Variants in STAU2 observed in about 807,000 individuals in gnomAD.
STAU2 encodes staufen double-stranded RNA binding protein 2, also known as double-stranded RNA-binding protein Staufen homolog 2.
Under a neutral mutation model 65.9 loss-of-function variants are expected in STAU2, and 20 were observed. That is an observed-to-expected ratio of 0.30 (90% CI 0.21 to 0.44). The LOEUF (loss-of-function observed/expected upper bound fraction) is 0.44, where lower values mean the gene tolerates loss of function less well. STAU2 is among the 20% of genes least tolerant of loss of function. STAU2 has a pLI of 1.00. For synonymous variants in STAU2, 232 were observed against 233.9 expected, an observed-to-expected ratio of 0.99 and a Z score of 0.07; for missense variants, 558 against 683.9, an observed-to-expected ratio of 0.82 and a Z score of 2.05.
At chr8:73,505,452 G>A (rs886752864) in intron 13 of STAU2, among the ~76,000 whole-genome samples, 1 of 151,966 alleles carries the variant, frequency 6.6e-6, no homozygotes, top group African/African-American at 2.4e-5. Context: ...AAAAGAGGTT[G>A]GACGGAGTAC....
chr8:73,727,227 C>A (rs552220453), intron 3 of STAU2, among the ~76,000 whole-genome samples: 1 of 152,058 alleles, frequency 6.6e-6, no homozygotes. Context: ...GAGACTACAT[C>A]TCAAAAAAAT....
In STAU2 at chr8:73,622,050, G is replaced by A. The variant is rs1433948123; in HGVS notation, c.411-4599C>T. Among the ~76,000 whole-genome samples, 5 of 147,336 alleles carry A rather than the reference G, an allele frequency of 3.4e-5. No individual in the cohort carries two copies. In the East Asian group the frequency reaches 6.1e-4, roughly 18 times the overall value. On this transcript the variant is annotated intron_variant, in intron 6 of 14. Coordinates refer to ENST00000524300, the MANE Select transcript of STAU2 (RefSeq NM_001164380.2). ...CGGCTCCCCGCAAGCTCCGCCTCCC[G>A]GGTTCTCGCCATTCTCCTGCCTCAG...
chr8:73,524,809 C>G (rs1823257996), intron 13 of STAU2, among the ~76,000 whole-genome samples: 1 of 152,146 alleles, frequency 6.6e-6, no homozygotes, highest in Non-Finnish European at 1.5e-5. Context: ...AAATGTTTCC[C>G]TATTTACTAG....
Position 73,595,207 on chromosome 8 carries a change from C to G in STAU2, c.1120G>C (p.Gly374Arg). ...TGAAGATTAGTGGATGCTTTATAAC[C>G]AAGTTGTAACAGCATTGCTTCTGCA... ...NAAEAMLLQL[G>R]YKASTNLQDQ... The change falls in exon 11 of 15, where the codon GGT becomes CGT. Residue 374 changes from glycine (G) to arginine (R), a missense_variant. Gly to Arg is a moderately radical substitution (Grantham distance 125, BLOSUM62 -2). This residue lies in a region of STAU2 where 247 missense variants were observed against 270.1 expected (regional missense o/e 0.91). Transcript: ENST00000524300. 6.2e-7 allele frequency: 1 copy of G among 1,610,264 alleles called. No homozygotes were observed. The highest frequency in any genetic ancestry group is 1.1e-5 in the South Asian group (1 of 90,370).
chr8:73,719,877 T>C (rs754374291), intron 3 of STAU2, among the ~76,000 whole-genome samples: 1 of 152,192 alleles, frequency 6.6e-6, no homozygotes, highest in African/African-American at 2.4e-5. Context: ...CATATAAAAT[T>C]GATATTATTT....
intron 13 of STAU2, among the ~76,000 whole-genome samples, chr8:73,468,539 T>A (rs972345403): frequency 2.6e-5 from 4 of 151,900 alleles, no homozygotes; most frequent in African/African-American, 7.3e-5. Context: ...TGGGAGAAAA[T>A]TTTTGCAATC....
At chr8:73,713,534 G>C (rs1475719714) in intron 3 of STAU2, among the ~76,000 whole-genome samples, 2 of 152,104 alleles carry the variant, frequency 1.3e-5, no homozygotes, top group Non-Finnish European at 2.9e-5. Flanking sequence ...AGTTTTAAGA[G>C]GTGGTGATTA....
chr8:73,703,483 T>C (rs1396154754), intron 4 of STAU2, among the ~76,000 whole-genome samples: 2 of 152,234 alleles, frequency 1.3e-5, no homozygotes, highest in Non-Finnish European at 2.9e-5. Context: ...ACTAATACAA[T>C]GTCTATATGA....
intron 6 of STAU2, among the ~76,000 whole-genome samples, chr8:73,638,283 A>G (rs988011240): frequency 2.0e-5 from 3 of 151,916 alleles, no homozygotes; most frequent in Non-Finnish European, 4.4e-5. Context: ...CTACAATAAG[A>G]AAACGTTTAA....
intron 6 of STAU2, among the ~76,000 whole-genome samples, chr8:73,618,800 T>C (rs1813022046): frequency 6.6e-6 from 1 of 152,206 alleles, no homozygotes; most frequent in African/African-American, 2.4e-5. Flanking sequence ...AAGTCATTGT[T>C]TCTAGATGAA....
At chr8:73,697,534 A>G (rs772753343) in intron 4 of STAU2, 9 of 152,242 alleles carry the variant, frequency 5.9e-5, no homozygotes, top group Non-Finnish European at 1.0e-4. Context: ...ACAGAAGAGT[A>G]TAACACTGTA....
chr8:73,608,770 T>A (rs1394378656), intron 9 of STAU2, among the ~76,000 whole-genome samples: 4 of 151,606 alleles, frequency 2.6e-5, no homozygotes, highest in African/African-American at 9.7e-5. Flanking sequence ...GGTGGGTGGA[T>A]CACAAGGTCA....
At chr8:73,532,976 G>C (rs149510301) in intron 13 of STAU2, among the ~76,000 whole-genome samples, 15 of 152,220 alleles carry the variant, frequency 9.9e-5, no homozygotes, top group African/African-American at 3.6e-4. Context: ...GTATTGATTT[G>C]ATTTTACCTA....
chr8:73,575,350 C>T (rs1248567647), intron 12 of STAU2, among the ~76,000 whole-genome samples: 1 of 152,146 alleles, frequency 6.6e-6, no homozygotes, highest in Non-Finnish European at 1.5e-5. Flanking sequence ...ACACTGTGTT[C>T]CTGAAGCTGT....
intron 13 of STAU2, among the ~76,000 whole-genome samples, chr8:73,448,911 C>A (rs534579902): frequency 1.5e-3 from 234 of 152,364 alleles, no homozygotes; most frequent in African/African-American, 5.3e-3. Context: ...ATATTCCCAC[C>A]GCCACGTGCG....
chr8:73,446,340 A>G (rs1369455589), intron 13 of STAU2, among the ~76,000 whole-genome samples: 1 of 152,218 alleles, frequency 6.6e-6, no homozygotes, highest in Non-Finnish European at 1.5e-5. Context: ...CCTCATGGTG[A>G]CAGAATAGCT....
At chr8:73,433,918 T>C (rs964625247) in intron 13 of STAU2, among the ~76,000 whole-genome samples, 6 of 151,916 alleles carry the variant, frequency 3.9e-5, no homozygotes, top group Non-Finnish European at 7.3e-5. Flanking sequence ...ACGCTCACTC[T>C]GTGTGGCGGG....
At position 73,462,578 on chromosome 8, in the gene STAU2, T is replaced by A. The variant is rs373514357; in HGVS notation, c.1531-39876A>T. Among the ~76,000 whole-genome samples, 135 of 151,714 alleles carry A rather than the reference T, an allele frequency of 8.9e-4. 1 individual carries two copies. Among genetic ancestry groups the A allele is most frequent in the African/African-American group, 2.9e-3 (121 of 41,334 alleles). On this transcript the variant is annotated intron_variant, in intron 13 of 14. Coordinates refer to ENST00000524300, the MANE Select transcript of STAU2 (RefSeq NM_001164380.2). Reference sequence around the variant, plus strand: ...GCCCAGCTAATTTTTGTATTTTTTTTATAGAGAAAGGGTCTCCCCATGTTG... The same window carrying A: ...GCCCAGCTAATTTTTGTATTTTTTTAATAGAGAAAGGGTCTCCCCATGTTG...
At chr8:73,627,213 G>C (rs1420536179) in intron 6 of STAU2, among the ~76,000 whole-genome samples, 1 of 46,170 alleles carries the variant, frequency 2.2e-5, no homozygotes, top group Non-Finnish European at 5.1e-5. Flanking sequence ...TACGGCGGGG[G>C]GGGGGGGGGA....
Sources: allele counts gnomAD v4.1 joint callset (sites outside exome capture counted in the v4.1 genomes callset), GRCh38; gene constraint gnomAD v4.1.1; regional missense constraint gnomAD v4.1.1; transcripts MANE v1.5; gene names NCBI Gene and HGNC (gene_info 2026-07-23, HGNC 2026-07-21).